Variants in EFNA5 observed in about 807,000 individuals in gnomAD.
The protein encoded by EFNA5 is ephrin-A5.
A neutral mutation model predicts 22.9 loss-of-function variants in EFNA5; 5 were observed. The ratio of observed to expected loss-of-function variants is 0.22; its 90% confidence interval spans 0.11 to 0.46. The LOEUF (loss-of-function observed/expected upper bound fraction) is 0.46. EFNA5 is among the 20% of genes least tolerant of loss of function. EFNA5 has a pLI of 0.99. For missense variants in EFNA5, 237 were observed against 293.3 expected, an observed-to-expected ratio of 0.81 and a Z score of 1.40; for synonymous variants, 113 against 112.2, an observed-to-expected ratio of 1.01 and a Z score of -0.04.
chr5:107,555,832 C>T (rs1748399041), intron 1 of EFNA5, among the ~76,000 whole-genome samples: 2 of 152,200 alleles, frequency 1.3e-5, no homozygotes, highest in East Asian at 1.9e-4. Context: ...ACTTCTTTCT[C>T]ATCTTTCACC....
chr5:107,448,831 CAATAAATA>C (rs57639319), intron 1 of EFNA5, among the ~76,000 whole-genome samples: 127 of 128,132 alleles, frequency 9.9e-4, no homozygotes, highest in South Asian at 4.6e-3. Context: ...CTCTGTCTCA[CAATAAATA>C]AATAAATAAA....
chr5:107,618,128 A>G (rs536236160), intron 1 of EFNA5, among the ~76,000 whole-genome samples: 1 of 152,234 alleles, frequency 6.6e-6, no homozygotes, highest in East Asian at 1.9e-4. Flanking sequence ...TCTTGGTACA[A>G]TATCTTTATG....
rs77916124 is a variant in EFNA5 at position 107,496,336 on chromosome 5, C to CAAAAA, written c.126-68832_126-68828dup. On this transcript the variant is annotated intron_variant, in intron 1 of 4. Coordinates refer to ENST00000333274, the MANE Select transcript of EFNA5 (RefSeq NM_001962.3). ...GGGCAACGAGAGCAAAATTCCATCT[C>CAAAAA]AAAAAAAAAAAAAAAAACAAAAAAA... 3.9e-4 allele frequency among the ~76,000 whole-genome samples: 31 copies of CAAAAA among 79,832 alleles called. 1 individual carries two copies. The highest frequency in any genetic ancestry group is 1.2e-3 in the African/African-American group (24 of 19,768). 52.4% of individuals were successfully genotyped at this position (79,832 alleles called of 152,430 possible).
chr5:107,414,354 A>G (rs1313725073), intron 2 of EFNA5, among the ~76,000 whole-genome samples: 1 of 152,130 alleles, frequency 6.6e-6, no homozygotes, highest in African/African-American at 2.4e-5. Flanking sequence ...TCTTTTATGG[A>G]AAGTGCTAAT....
chr5:107,603,950 C>A (rs1376893251), intron 1 of EFNA5, among the ~76,000 whole-genome samples: 1 of 152,176 alleles, frequency 6.6e-6, no homozygotes, highest in East Asian at 1.9e-4. Flanking sequence ...ATAGGTTTAT[C>A]CCTTACCTTA....
intron 1 of EFNA5, among the ~76,000 whole-genome samples, chr5:107,625,936 C>A (rs1001804495): frequency 6.6e-6 from 1 of 152,162 alleles, no homozygotes. Flanking sequence ...ATAGGCTCAA[C>A]AAATCTCCTC....
intron 1 of EFNA5, among the ~76,000 whole-genome samples, chr5:107,619,248 T>C (rs1431164356): frequency 6.6e-6 from 1 of 151,984 alleles, no homozygotes; most frequent in Non-Finnish European, 1.5e-5. Context: ...TATAAATATG[T>C]GTCTCATGAG....
intron 1 of EFNA5, among the ~76,000 whole-genome samples, chr5:107,498,292 TGACAC>T (rs1310200685): frequency 1.3e-5 from 2 of 152,260 alleles, no homozygotes; most frequent in East Asian, 3.8e-4. Context: ...TGGAATAATA[TGACAC>T]AACCTTTTTT....
At chr5:107,633,270 G>A (rs1399753490) in intron 1 of EFNA5, among the ~76,000 whole-genome samples, 1 of 152,186 alleles carries the variant, frequency 6.6e-6, no homozygotes, top group African/African-American at 2.4e-5. Flanking sequence ...TTACAAGTAA[G>A]CCAGCCAGTT....
At chr5:107,649,507 A>G (rs540656229) in intron 1 of EFNA5, among the ~76,000 whole-genome samples, 1 of 152,278 alleles carries the variant, frequency 6.6e-6, no homozygotes, top group East Asian at 1.9e-4. Flanking sequence ...TGTAGATTTC[A>G]TGGATCCAAA....
intron 2 of EFNA5, among the ~76,000 whole-genome samples, chr5:107,396,666 A>C (rs1747936436): frequency 6.6e-6 from 1 of 151,598 alleles, no homozygotes; most frequent in Non-Finnish European, 1.5e-5. Context: ...AATTTTAAAA[A>C]CTGGATTCTA....
intron 1 of EFNA5, among the ~76,000 whole-genome samples, chr5:107,555,067 C>T (rs889087593): frequency 5.9e-5 from 9 of 152,300 alleles, no homozygotes; most frequent in African/African-American, 2.2e-4. Context: ...CACGGGTTCC[C>T]CACCTCTTGC....
chr5:107,660,006 A>G lies in EFNA5; in HGVS notation c.125+10483T>C, dbSNP rs1750912450. Among the ~76,000 whole-genome samples the G allele has an allele frequency of 2.0e-5, 3 of 151,866 alleles. No homozygotes were observed. The South Asian group carries it at 6.2e-4, about 32-fold the overall frequency. On this transcript the variant is annotated intron_variant, in intron 1 of 4. Coordinates refer to ENST00000333274, the MANE Select transcript of EFNA5 (RefSeq NM_001962.3). ...TATTCTTATGGAATATCGTGTATAC[A>G]TATACCCACCCCCTCAACACACACC...
At chr5:107,629,761 A>G (rs1750209231) in intron 1 of EFNA5, among the ~76,000 whole-genome samples, 1 of 152,226 alleles carries the variant, frequency 6.6e-6, no homozygotes, top group African/African-American at 2.4e-5. Context: ...CTTTCTTAAA[A>G]CATTATGAGA....
intron 1 of EFNA5, among the ~76,000 whole-genome samples, chr5:107,629,336 A>G (rs955248012): frequency 6.6e-6 from 1 of 152,158 alleles, no homozygotes; most frequent in Admixed American, 6.5e-5. Context: ...TCCTTTCCAT[A>G]TATATGTTAA....
At chr5:107,660,381 T>C (rs1750928018) in intron 1 of EFNA5, among the ~76,000 whole-genome samples, 1 of 144,692 alleles carries the variant, frequency 6.9e-6, no homozygotes, top group Admixed American at 7.0e-5. Flanking sequence ...GACAAGCATA[T>C]GGTGGGAAAA....
At chr5:107,490,586 C>A (rs1746777547) in intron 1 of EFNA5, among the ~76,000 whole-genome samples, 1 of 152,192 alleles carries the variant, frequency 6.6e-6, no homozygotes, top group South Asian at 2.1e-4. Context: ...TCACCCTCAC[C>A]TTTCAGGGAA....
At chr5:107,547,147 T>C (rs939731754) in intron 1 of EFNA5, among the ~76,000 whole-genome samples, 1 of 152,196 alleles carries the variant, frequency 6.6e-6, no homozygotes, top group Admixed American at 6.5e-5. Context: ...ATTCGCCTAC[T>C]GTACACATGG....
At chr5:107,577,753 A>G (rs1580539545) in intron 1 of EFNA5, among the ~76,000 whole-genome samples, 1 of 152,198 alleles carries the variant, frequency 6.6e-6, no homozygotes, top group East Asian at 1.9e-4. Context: ...CCACCCTTCA[A>G]TCACGTTAGA....
Sources: allele counts gnomAD v4.1 joint callset (sites outside exome capture counted in the v4.1 genomes callset), GRCh38; gene constraint gnomAD v4.1.1; transcripts MANE v1.5; gene names NCBI Gene and HGNC (gene_info 2026-07-23, HGNC 2026-07-21).